MCUB: variants seen among roughly 807,000 people sequenced by gnomAD.
MCUB encodes the protein mitochondrial calcium uniporter dominant negative subunit beta, also known as calcium uniporter regulatory subunit MCUb, mitochondrial.
MCUB carries 46 observed loss-of-function variants against 41.4 expected under a neutral mutation model. The ratio of observed to expected loss-of-function variants is 1.11; its 90% confidence interval spans 0.88 to 1.42. MCUB has a LOEUF of 1.42. Among genes scored for constraint, MCUB ranks in the 40% most tolerant of loss-of-function variants. MCUB has a pLI of 0.00. For missense variants in MCUB, 403 were observed against 404.9 expected (o/e 1.00, Z 0.04); for synonymous variants, 148 against 148.2 (o/e 1.00, Z 0.01).
chr4:109,584,146 A>G (rs1042630720), intron 1 of MCUB, among the ~76,000 whole-genome samples: 2 of 152,188 alleles, frequency 1.3e-5, no homozygotes, highest in Non-Finnish European at 2.9e-5. Context: ...TGGTCTATTC[A>G]GAGATTCAAC....
Position 109,660,214 on chromosome 4 carries a change from A to AC in MCUB, c.196dup (p.His66ProfsTer13), listed in dbSNP as rs753363097. 1 of 1,568,064 alleles carries AC rather than the reference A, an allele frequency of 6.4e-7. No homozygotes were observed. ...TAACAGAAATAACAGTTATTTATAG[A>AC]CATGGCCTTCCCTTGGTAACACTTA... is the stretch of plus-strand genomic sequence containing the variant. On this transcript the variant is annotated frameshift_variant, in exon 3 of 8. Transcript: ENST00000394650. LOFTEE classifies it high-confidence loss of function.
intron 1 of MCUB, among the ~76,000 whole-genome samples, chr4:109,568,639 T>G (rs988557779): frequency 6.6e-6 from 1 of 152,170 alleles, no homozygotes; most frequent in Admixed American, 6.5e-5. Flanking sequence ...TCTTCAGATC[T>G]CTGAAGGCAG....
intron 6 of MCUB, chr4:109,684,861 C>T (rs753391007): frequency 1.1e-5 from 5 of 467,156 alleles, no homozygotes; most frequent in African/African-American, 2.0e-5. Context: ...TAGTGTAACA[C>T]ACAAATTCCT....
chr4:109,562,604 A>T (rs1014079227), intron 1 of MCUB, among the ~76,000 whole-genome samples: 2 of 151,034 alleles, frequency 1.3e-5, no homozygotes, highest in Admixed American at 6.6e-5. Flanking sequence ...ATTTCTATTT[A>T]TTTTTTTTCC....
At chr4:109,582,326 A>G (rs1262129309) in intron 1 of MCUB, among the ~76,000 whole-genome samples, 265 of 137,384 alleles carry the variant, frequency 1.9e-3, no homozygotes, top group Non-Finnish European at 3.4e-3. Context: ...GAATTGAACA[A>G]TGAGAACACA....
At chr4:109,601,318 T>G (rs1727728344) in intron 1 of MCUB, among the ~76,000 whole-genome samples, 1 of 152,182 alleles carries the variant, frequency 6.6e-6, no homozygotes, top group Admixed American at 6.5e-5. Flanking sequence ...CCTGTTGTGC[T>G]ATCAAATACT....
At chr4:109,613,382 G>T (rs565003198) in intron 1 of MCUB, among the ~76,000 whole-genome samples, 30 of 152,288 alleles carry the variant, frequency 2.0e-4, no homozygotes, top group African/African-American at 7.0e-4. Context: ...TCATGTTGTT[G>T]GCTGCAACTG....
At position 109,615,496 on chromosome 4, in the gene MCUB, G is replaced by C. The variant is rs1314714268; in HGVS notation, c.100-43515G>C. 3.3e-5 allele frequency among the ~76,000 whole-genome samples: 5 copies of C among 149,864 alleles called. No individual in the cohort carries two copies. The East Asian group carries it at 5.9e-4, about 18-fold the overall frequency. On this transcript the variant is annotated intron_variant, in intron 1 of 7. Transcript: ENST00000394650. ...TCTCGGCTCACTGCAACCTCCGTCT[G>C]CCGGGTTTTACGCCATTCTCCTGCC...
chr4:109,580,986 A>G (rs1727158964), intron 1 of MCUB, among the ~76,000 whole-genome samples: 1 of 152,204 alleles, frequency 6.6e-6, no homozygotes, highest in Non-Finnish European at 1.5e-5. Flanking sequence ...TGCCATCCCC[A>G]TCAATCTACC....
At chr4:109,593,321 G>T (rs1348041234) in intron 1 of MCUB, among the ~76,000 whole-genome samples, 1 of 152,164 alleles carries the variant, frequency 6.6e-6, no homozygotes. Flanking sequence ...TCCAGTCTTT[G>T]GTTGTAAAGT....
At chr4:109,654,989 T>G (rs747270914) in intron 1 of MCUB, among the ~76,000 whole-genome samples, 1 of 152,154 alleles carries the variant, frequency 6.6e-6, no homozygotes, top group Non-Finnish European at 1.5e-5. Context: ...CTGTCCCACT[T>G]AAGATGCCAA....
intron 4 of MCUB, chr4:109,681,309 G>T: frequency 3.8e-6 from 1 of 266,292 alleles, no homozygotes; most frequent in Non-Finnish European, 7.8e-6. Flanking sequence ...TTGTGGAAAA[G>T]CAAATAAGTT....
intron 1 of MCUB, among the ~76,000 whole-genome samples, chr4:109,562,679 A>G (rs1196188057): frequency 6.6e-6 from 1 of 152,212 alleles, no homozygotes; most frequent in Non-Finnish European, 1.5e-5. Flanking sequence ...GTGACCTGAC[A>G]GCTCATAAAA....
chr4:109,629,655 A>G (rs1005612783), intron 1 of MCUB, among the ~76,000 whole-genome samples: 27 of 152,182 alleles, frequency 1.8e-4, no homozygotes, highest in African/African-American at 6.3e-4. Context: ...AAGGAAACAC[A>G]TCTACTCGTT....
intron 1 of MCUB, among the ~76,000 whole-genome samples, chr4:109,646,094 TCTC>T (rs1486475651): frequency 1.3e-5 from 2 of 152,044 alleles, no homozygotes; most frequent in East Asian, 3.9e-4. Flanking sequence ...GTGGCTGTCT[TCTC>T]ATCATCACTT....
intron 1 of MCUB, among the ~76,000 whole-genome samples, chr4:109,624,254 A>G (rs995673106): frequency 6.6e-6 from 1 of 152,196 alleles, no homozygotes. Flanking sequence ...GCCAAACACA[A>G]CCACACTCAA....
At chr4:109,629,973 G>C (rs1728438671) in intron 1 of MCUB, among the ~76,000 whole-genome samples, 1 of 152,190 alleles carries the variant, frequency 6.6e-6, no homozygotes, top group Non-Finnish European at 1.5e-5. Flanking sequence ...GGTCCTTCTA[G>C]TGAGTAGCTC....
At chr4:109,626,325 T>C (rs1490853565) in intron 1 of MCUB, among the ~76,000 whole-genome samples, 4 of 152,184 alleles carry the variant, frequency 2.6e-5, no homozygotes, top group Non-Finnish European at 5.9e-5. Context: ...AAATAAGCTG[T>C]TTTAAAGAAG....
intron 1 of MCUB, among the ~76,000 whole-genome samples, chr4:109,571,909 A>G (rs1726924443): frequency 6.6e-6 from 1 of 152,266 alleles, no homozygotes; most frequent in African/African-American, 2.4e-5. Context: ...AGTCCTGGCC[A>G]GGAACCACAT....
Sources: allele counts gnomAD v4.1 joint callset (sites outside exome capture counted in the v4.1 genomes callset), GRCh38; gene constraint gnomAD v4.1.1; transcripts MANE v1.5; gene names NCBI Gene and HGNC (gene_info 2026-07-23, HGNC 2026-07-21).